RANBP2: variants seen among roughly 807,000 people sequenced by gnomAD.
RANBP2 encodes the protein E3 SUMO-protein ligase RanBP2.
Under a neutral mutation model 303.6 loss-of-function variants are expected in RANBP2, and 57 were observed. That is an observed-to-expected ratio of 0.19 (90% CI 0.15 to 0.23). The LOEUF (loss-of-function observed/expected upper bound fraction) is 0.23. Among genes scored for constraint, RANBP2 ranks in the 10% least tolerant of loss-of-function variants. RANBP2 has a pLI of 1.00. For synonymous variants in RANBP2, 1,167 were observed against 1,301.5 expected (o/e 0.90, Z 2.23); for missense variants, 3,138 against 3,780.8 (o/e 0.83, Z 4.46).
the RANBP2 span, among the ~76,000 whole-genome samples, chr2:109,117,957 C>A: frequency 6.6e-5 from 10 of 152,172 alleles, no homozygotes; most frequent in African/African-American, 2.4e-4. Context: ...CCACTGCCTG[C>A]CCTCTGAGGC....
At chr2:109,589,496 C>T in the RANBP2 span, among the ~76,000 whole-genome samples, 1 of 151,936 alleles carries the variant, frequency 6.6e-6, no homozygotes, top group African/African-American at 2.4e-5. Context: ...TGCCACTGTG[C>T]TCCAGCCTGG....
At chr2:108,871,091 T>A in the RANBP2 span, among the ~76,000 whole-genome samples, 1 of 152,088 alleles carries the variant, frequency 6.6e-6, no homozygotes, top group African/African-American at 2.4e-5. Context: ...TTAGACACGT[T>A]CCTATGGTTG....
intron 1 of RANBP2, among the ~76,000 whole-genome samples, chr2:108,727,166 G>C (rs1290120944): frequency 6.6e-6 from 1 of 152,170 alleles, no homozygotes; most frequent in Middle Eastern, 3.2e-3. Context: ...CCCAGACGGG[G>C]TGGTGGCCGG....
the RANBP2 span, chr2:109,545,272 G>A: frequency 1.6e-4 from 218 of 1,406,204 alleles, no homozygotes; most frequent in East Asian, 5.3e-3. Flanking sequence ...TAAACCGACA[G>A]GGATACTTAA....
the RANBP2 span, among the ~76,000 whole-genome samples, chr2:109,363,293 G>A: frequency 6.6e-6 from 1 of 151,764 alleles, no homozygotes; most frequent in Non-Finnish European, 1.5e-5. Flanking sequence ...ATGAATTCAA[G>A]CCCACTTTCA....
the RANBP2 span, among the ~76,000 whole-genome samples, chr2:109,214,081 C>T: frequency 6.6e-5 from 10 of 152,042 alleles, no homozygotes; most frequent in African/African-American, 1.2e-4. Context: ...CACTGGACGG[C>T]GAGGAGGAAG....
At chr2:109,023,675 T>C in the RANBP2 span, among the ~76,000 whole-genome samples, 1 of 152,004 alleles carries the variant, frequency 6.6e-6, no homozygotes, top group African/African-American at 2.4e-5. Context: ...CTGGGTGCAG[T>C]GTGTATACCT....
chr2:109,431,167 A>G, the RANBP2 span, among the ~76,000 whole-genome samples: 92,912 of 152,034 alleles, frequency 0.61, 28,590 homozygotes, highest in Non-Finnish European at 0.62. Context: ...GGAGGGTGCA[A>G]TGGTGGGGTC....
the RANBP2 span, among the ~76,000 whole-genome samples, chr2:108,814,466 G>A: frequency 6.6e-6 from 1 of 151,950 alleles, no homozygotes; most frequent in African/African-American, 2.4e-5. Context: ...TCTAAAGGGA[G>A]TTAGTTTCTA....
the RANBP2 span, among the ~76,000 whole-genome samples, chr2:109,441,533 A>G: frequency 3.7e-4 from 57 of 152,352 alleles, no homozygotes; most frequent in African/African-American, 1.3e-3. Flanking sequence ...TTGAAAAATG[A>G]ATGGAATCCG....
chr2:109,311,375 C>G, the RANBP2 span, among the ~76,000 whole-genome samples: 1 of 125,638 alleles, frequency 8.0e-6, no homozygotes, highest in Non-Finnish European at 1.6e-5. Flanking sequence ...GACAAACCCA[C>G]AGCCAATATC....
chr2:109,219,133 C>G, the RANBP2 span, among the ~76,000 whole-genome samples: 2 of 152,212 alleles, frequency 1.3e-5, no homozygotes, highest in African/African-American at 4.8e-5. Context: ...AGTTCCACCT[C>G]TCTCGCTCAC....
the RANBP2 span, among the ~76,000 whole-genome samples, chr2:109,053,981 T>C: frequency 6.6e-6 from 1 of 152,174 alleles, no homozygotes; most frequent in African/African-American, 2.4e-5. Flanking sequence ...AATCCTGCCA[T>C]CACCAAGAGA....
Position 108,764,245 on chromosome 2 carries a change from C to T in RANBP2, c.3706C>T (p.Arg1236Ter). Residue 1236 changes from arginine to a stop codon, truncating the protein, a stop_gained, in exon 20 of 29, where the codon CGA (arginine) becomes TGA (stop). Coordinates refer to ENST00000283195, the MANE Select transcript of RANBP2 (RefSeq NM_006267.5). LOFTEE classifies it high-confidence loss of function. ...TSGKIRLLMR[R>*]EQVLKICANH... ...TGGTAAAATTCGCCTTCTAATGAGA[C>T]GAGAGCAAGTATTGAAAATCTGTGC... is the stretch of plus-strand genomic sequence containing the variant. The T allele has an allele frequency of 6.2e-7, 1 of 1,613,968 alleles. No individual in the cohort carries two copies. The highest frequency in any genetic ancestry group is 8.5e-7 in the Non-Finnish European group (1 of 1,179,982).
chr2:109,239,881 G>T, the RANBP2 span, among the ~76,000 whole-genome samples: 1 of 152,218 alleles, frequency 6.6e-6, no homozygotes, highest in Non-Finnish European at 1.5e-5. Context: ...TTAGAGAAAT[G>T]TGTGCTGAAG....
At chr2:109,332,998 C>T in the RANBP2 span, among the ~76,000 whole-genome samples, 1 of 152,232 alleles carries the variant, frequency 6.6e-6, no homozygotes, top group African/African-American at 2.4e-5. Context: ...GCCTAGCCTG[C>T]TGGGTCATGT....
chr2:109,576,604 C>T, the RANBP2 span, among the ~76,000 whole-genome samples: 3 of 152,004 alleles, frequency 2.0e-5, no homozygotes, highest in African/African-American at 7.3e-5. Context: ...GTATATATTT[C>T]ACATAAAAAT....
the RANBP2 span, among the ~76,000 whole-genome samples, chr2:108,836,510 A>G: frequency 1.3e-5 from 2 of 152,180 alleles, no homozygotes; most frequent in Non-Finnish European, 2.9e-5. Context: ...ATCCCTTTGG[A>G]CATATACCCA....
the RANBP2 span, among the ~76,000 whole-genome samples, chr2:109,221,981 TAA>T: frequency 2.7e-5 from 4 of 145,476 alleles, no homozygotes; most frequent in East Asian, 2.0e-4. Context: ...ATGAATGGAT[TAA>T]AAAAAAAAAA....
Sources: allele counts gnomAD v4.1 joint callset (sites outside exome capture counted in the v4.1 genomes callset), GRCh38; gene constraint gnomAD v4.1.1; transcripts MANE v1.5; gene names NCBI Gene and HGNC (gene_info 2026-07-23, HGNC 2026-07-21).